The following CYREN variants were observed in gnomAD, a reference collection of about 807,000 sequenced individuals.
The protein encoded by CYREN is cell cycle regulator of NHEJ.
CYREN carries 7 observed loss-of-function variants against 9.7 expected under a neutral mutation model. The observed-to-expected ratio is 0.72, with a 90% confidence interval of 0.41 to 1.36. The LOEUF (loss-of-function observed/expected upper bound fraction) is 1.36. Among genes scored for constraint, CYREN ranks in the 40% most tolerant of loss-of-function variants. The pLI is 0.01. For missense variants in CYREN, 215 were observed against 198.1 expected (o/e 1.09, Z -0.51); for synonymous variants, 76 against 77.9 (o/e 0.98, Z 0.13).
chr7:135,170,543 A>C (rs945524617), intron 1 of CYREN, 109 bp downstream of exon 1: 5 of 152,326 alleles, frequency 3.3e-5, no homozygotes, highest in Non-Finnish European at 7.3e-5. Context: ...CCGGCCGGCT[A>C]CTGGCTTCCC....
chr7:135,131,106 A>C (rs1257681978), intron 2 of CYREN, among the ~76,000 whole-genome samples: 1 of 152,172 alleles, frequency 6.6e-6, no homozygotes, highest in African/African-American at 2.4e-5. Flanking sequence ...AATAAAAATA[A>C]ATTTAAAAAT....
intron 2 of CYREN, among the ~76,000 whole-genome samples, chr7:135,141,574 T>TG (rs1428868870): frequency 6.6e-6 from 1 of 152,140 alleles, no homozygotes; most frequent in Non-Finnish European, 1.5e-5. Flanking sequence ...TGATTGTGCT[T>TG]ATTTATTTTC....
At chr7:135,115,437 A>C in intron 2 of CYREN, 1 of 1,551,454 alleles carries the variant, frequency 6.4e-7, no homozygotes, top group East Asian at 2.4e-5. Context: ...CAAAGCAAGA[A>C]GACTGGCATA....
At chr7:135,167,549 C>A in intron 3 of CYREN, 183 bp downstream of exon 3, 1 of 1,432,476 alleles carries the variant, frequency 7.0e-7, no homozygotes, top group Non-Finnish European at 9.1e-7. Flanking sequence ...AGACACCCCA[C>A]GAGCGCACAC....
At chr7:135,148,522 T>A (rs1486082156) in intron 2 of CYREN, among the ~76,000 whole-genome samples, 1 of 152,112 alleles carries the variant, frequency 6.6e-6, no homozygotes, top group Non-Finnish European at 1.5e-5. Context: ...ATGATGAAAG[T>A]AAGGCCAGTA....
At chr7:135,160,420 CA>C (rs1829899870) in intron 2 of CYREN, among the ~76,000 whole-genome samples, 1 of 152,092 alleles carries the variant, frequency 6.6e-6, no homozygotes. Flanking sequence ...AAAAGAAAAA[CA>C]AAAACCAGGG....
chr7:135,103,978 T>C (rs947110075), intron 2 of CYREN, among the ~76,000 whole-genome samples: 1 of 152,142 alleles, frequency 6.6e-6, no homozygotes, highest in South Asian at 2.1e-4. Flanking sequence ...GGTAAACTTA[T>C]ATAGGTAAAC....
At chr7:135,156,612 T>G (rs1299613681) in intron 2 of CYREN, among the ~76,000 whole-genome samples, 1 of 152,162 alleles carries the variant, frequency 6.6e-6, no homozygotes, top group African/African-American at 2.4e-5. Context: ...ATATCCTGGA[T>G]TAATTTTCTG....
intron 1 of CYREN, among the ~76,000 whole-genome samples, chr7:135,169,854 T>C (rs2117562034): frequency 1.3e-5 from 2 of 152,302 alleles, no homozygotes; most frequent in Middle Eastern, 6.8e-3. Context: ...GAATCATAAT[T>C]TGATAATGCA....
chr7:135,168,093 CAT>C (rs1830320133), intron 2 of CYREN: 5 of 470,108 alleles, frequency 1.1e-5, no homozygotes, highest in Non-Finnish European at 1.5e-5. Flanking sequence ...GAAACACACA[CAT>C]GGATGCAAGA....
intron 2 of CYREN, among the ~76,000 whole-genome samples, chr7:135,140,787 T>C (rs1244532647): frequency 6.6e-6 from 1 of 152,278 alleles, no homozygotes; most frequent in East Asian, 1.9e-4. Flanking sequence ...CTGAATTTTA[T>C]CAAAAGCCTT....
At chr7:135,124,431 C>A (rs189069462) in intron 2 of CYREN, among the ~76,000 whole-genome samples, 8 of 152,236 alleles carry the variant, frequency 5.3e-5, no homozygotes, top group African/African-American at 1.9e-4. Flanking sequence ...AGACAGACTC[C>A]CACACAATAA....
chr7:135,131,255 T>G (rs1168243632), intron 2 of CYREN, among the ~76,000 whole-genome samples: 2 of 151,562 alleles, frequency 1.3e-5, no homozygotes, highest in Non-Finnish European at 2.9e-5. Context: ...TAAGTGGGAG[T>G]TGAACAGTGA....
At chr7:135,110,165 A>T (rs1056260887) in intron 2 of CYREN, among the ~76,000 whole-genome samples, 3 of 151,960 alleles carry the variant, frequency 2.0e-5, no homozygotes, top group Admixed American at 6.5e-5. Context: ...GTTCCAAGCC[A>T]GTCCCTCTGG....
chr7:135,169,565 T>G (rs959961631), intron 1 of CYREN: 1 of 152,224 alleles, frequency 6.6e-6, no homozygotes, highest in Non-Finnish European at 1.5e-5. Flanking sequence ...ATACTTCTGA[T>G]TGGTCAAACT....
At chr7:135,096,584 C>CATAGATAGATACATAGATAGATAG in intron 2 of CYREN, among the ~76,000 whole-genome samples, 1 of 88,860 alleles carries the variant, frequency 1.1e-5, no homozygotes, top group East Asian at 2.8e-4. Flanking sequence ...TAGATAGATA[C>CATAGATAGATACATAGATAGATAG]ATAGATAGAT....
downstream of CYREN, among the ~76,000 whole-genome samples, chr7:135,163,362 C>T (rs1829997312): frequency 6.6e-6 from 1 of 152,114 alleles, no homozygotes; most frequent in Non-Finnish European, 1.5e-5. Context: ...TATCTTCTGG[C>T]CAGGCATGGT....
At chr7:135,156,930 G>A (rs776238868) in intron 2 of CYREN, among the ~76,000 whole-genome samples, 6 of 152,206 alleles carry the variant, frequency 3.9e-5, no homozygotes, top group Non-Finnish European at 7.3e-5. Flanking sequence ...CATGAGAACC[G>A]ATGGGTTCAT....
chr7:135,166,884 G>A lies in CYREN; in HGVS notation c.214-13C>T, dbSNP rs187960408. On this transcript the variant is annotated splice_polypyrimidine_tract_variant and intron_variant, in intron 3 of 3. Transcript: ENST00000393114. Reference sequence around the variant, plus strand: ...CCTGTTTGCGGCTCTGTGGAGTACGGGAAAACGCAGGCTCAACATACGTGT... The same window carrying A: ...CCTGTTTGCGGCTCTGTGGAGTACGAGAAAACGCAGGCTCAACATACGTGT... 92 of 1,608,786 alleles carry A rather than the reference G, an allele frequency of 5.7e-5. No homozygotes were observed. Among genetic ancestry groups the A allele is most frequent in the Admixed American group, 3.3e-5 (2 of 59,768 alleles).
Sources: gnomAD v4.1 joint callset for allele counts (sites outside exome capture counted in the v4.1 genomes callset) on GRCh38, gnomAD v4.1.1 for gene constraint, MANE v1.5 for transcripts, NCBI Gene and HGNC (gene_info 2026-07-23, HGNC 2026-07-21) for gene names.